The following CCDC50 variants were observed in gnomAD, a reference collection of about 807,000 sequenced individuals.
CCDC50 encodes coiled-coil domain-containing protein 50.
Under a neutral mutation model 70.2 loss-of-function variants are expected in CCDC50, and 54 were observed. The observed-to-expected ratio is 0.77, with a 90% CI of 0.62 to 0.96. The LOEUF (loss-of-function observed/expected upper bound fraction) is 0.96, where lower values mean the gene tolerates loss of function less well. Among genes scored for constraint, CCDC50 ranks in the 50% least tolerant of loss-of-function variants. CCDC50 has a pLI of 0.00. For synonymous variants in CCDC50, 216 were observed against 198.8 expected, an observed-to-expected ratio of 1.09 and a Z score of -0.73; for missense variants, 558 against 578.7, an observed-to-expected ratio of 0.96 and a Z score of 0.37.
At chr3:191,333,853 A>G (rs1488401411) in intron 1 of CCDC50, among the ~76,000 whole-genome samples, 1 of 152,184 alleles carries the variant, frequency 6.6e-6, no homozygotes, top group East Asian at 1.9e-4. Context: ...CATTAAATTT[A>G]TAAAAACTTC....
chr3:191,394,127 C>G lies in CCDC50; in HGVS notation c.*2367C>G, dbSNP rs1024955807. The G allele has an allele frequency of 5.3e-5, 8 of 152,034 alleles. No homozygotes were observed. Among genetic ancestry groups the G allele is most frequent in the Non-Finnish European group, 1.2e-4 (8 of 67,978 alleles). The allele number at this position is 152,034 out of a possible 1,614,324, so 9.4% of individuals were successfully genotyped here. A position where few individuals can be genotyped will look rare whatever the true frequency, so the allele number is the denominator to read the frequency against. The stretch of plus-strand genomic sequence containing the variant: ...TGTTTCAGCTGTTTTAGTAAGTGAC[C>G]AAGTAAGCTATCACCTTGTGATAGC... On this transcript the variant is annotated 3_prime_UTR_variant, in exon 12 of 12. Transcript: ENST00000392455.
chr3:191,363,051 T>C (rs900872280), intron 4 of CCDC50, among the ~76,000 whole-genome samples: 2 of 145,580 alleles, frequency 1.4e-5, no homozygotes, highest in African/African-American at 5.2e-5. Flanking sequence ...TGGCTTCTTA[T>C]AAATGCTACT....
intron 1 of CCDC50, chr3:191,330,324 C>CACAA (rs1553837061): frequency 8.0e-6 from 1 of 124,782 alleles, no homozygotes; most frequent in African/African-American, 3.0e-5. Context: ...CACACACACA[C>CACAA]ACACAATAGT....
chr3:191,380,235 T>C lies in CCDC50; in HGVS notation c.1053T>C (p.Asp351=). ...CCCACAGGGATCAGGAATGGTATGA[T>C]GCTGAAATTGCCAGAAAACTGCAAG... ...RMAHRDQEWY[D]AEIARKLQEE... The change falls in exon 7 of 12, where the codon GAT becomes GAC. Residue 351 remains aspartate (D), a synonymous_variant. Transcript: ENST00000392455. The C allele has an allele frequency of 6.2e-7, 1 of 1,612,912 alleles. No homozygotes were observed. The highest frequency in any genetic ancestry group is 8.5e-7 in the Non-Finnish European group (1 of 1,179,308).
chr3:191,354,461 C>T (rs1280921068), intron 1 of CCDC50, among the ~76,000 whole-genome samples: 7 of 152,306 alleles, frequency 4.6e-5, no homozygotes, highest in African/African-American at 1.7e-4. Context: ...TAGTTCTTCA[C>T]ATGATTCTCC....
At position 191,375,263 on chromosome 3, in the gene CCDC50, A is replaced by T; in HGVS notation, c.650A>T (p.His217Leu). The change falls in exon 6 of 12, where the codon CAT becomes CTT. Residue 217 changes from histidine to leucine, a missense_variant. Transcript: ENST00000392455. ...SSSGKGRDNP[H>L]INNEQHERKR... ...TCGGGCAAAGGGAGGGACAATCCCC[A>T]TATTAACAATGAGCAGCATGAAAGG... 1 of 1,613,752 alleles carries T rather than the reference A, an allele frequency of 6.2e-7. No individual in the cohort carries two copies. Among genetic ancestry groups the T allele is most frequent in the Non-Finnish European group, 8.5e-7 (1 of 1,179,850 alleles).
intron 11 of CCDC50, among the ~76,000 whole-genome samples, chr3:191,390,767 G>C (rs1035454463): frequency 6.6e-6 from 1 of 152,194 alleles, no homozygotes; most frequent in East Asian, 1.9e-4. Flanking sequence ...TTCATGACCT[G>C]TGTGTTGTGC....
In CCDC50 at chr3:191,375,563, A is replaced by C; in HGVS notation, c.950A>C (p.Glu317Ala). ...RPRTPPFSESEEQLHLHDAGM... is the reference protein window; with the variant it reads ...RPRTPPFSESAEQLHLHDAGM... ...AGGACTCCTCCATTCTCAGAGAGTG[A>C]GGAGCAGCTCCACCTCCATGACGCA... Residue 317 changes from glutamate (E) to alanine (A), a missense_variant, in exon 6 of 12, where the codon GAG (glutamate) becomes GCG (alanine). Physicochemically the swap from Glu to Ala is moderately radical, Grantham distance 107. Transcript: ENST00000392455. 1 of 1,613,336 alleles carries C rather than the reference A, an allele frequency of 6.2e-7. No homozygotes were observed. The highest frequency in any genetic ancestry group is 8.5e-7 in the Non-Finnish European group (1 of 1,179,678).
At chr3:191,334,387 A>G (rs1262260569) in intron 1 of CCDC50, among the ~76,000 whole-genome samples, 3 of 152,196 alleles carry the variant, frequency 2.0e-5, no homozygotes. Flanking sequence ...AATTTGTAAA[A>G]TATATATTTT....
intron 6 of CCDC50, among the ~76,000 whole-genome samples, chr3:191,376,782 A>C (rs758071231): frequency 1.3e-5 from 2 of 152,128 alleles, no homozygotes; most frequent in African/African-American, 2.4e-5. Flanking sequence ...AAAATAGAGG[A>C]AAGTGTGATA....
chr3:191,376,898 A>G (rs1020930312), intron 6 of CCDC50, among the ~76,000 whole-genome samples: 3 of 152,048 alleles, frequency 2.0e-5, no homozygotes, highest in African/African-American at 7.2e-5. Context: ...ATGTACACTG[A>G]CCTCTACGTT....
intron 6 of CCDC50, among the ~76,000 whole-genome samples, chr3:191,379,009 G>T (rs1385159396): frequency 6.6e-6 from 1 of 152,066 alleles, no homozygotes; most frequent in South Asian, 2.1e-4. Context: ...CTCATCATTT[G>T]CCCAGTGTTT....
rs1353544296 is a variant in CCDC50, at chr3:191,393,247, A to G, written c.*1487A>G. The G allele has an allele frequency of 6.6e-6, 1 of 151,982 alleles. No individual in the cohort carries two copies. Among genetic ancestry groups the G allele is most frequent in the Non-Finnish European group, 1.5e-5 (1 of 68,004 alleles). 9.4% of individuals were successfully genotyped at this position (151,982 alleles called of 1,614,324 possible). On this transcript the variant is annotated 3_prime_UTR_variant, in exon 12 of 12. Transcript: ENST00000392455. ...TTCTCCCTCTCTCTGTCTCCCCCCCATGTACACATATATATATCCCTTCAG... is the reference window on the plus strand; with the variant it reads ...TTCTCCCTCTCTCTGTCTCCCCCCCGTGTACACATATATATATCCCTTCAG...
rs879849457 is a variant in CCDC50, at chr3:191,397,181, A to T, written c.*5421A>T. 7.2e-5 allele frequency: 11 copies of T among 152,212 alleles called. No homozygotes were observed. Among genetic ancestry groups the T allele is most frequent in the Non-Finnish European group, 1.0e-4 (7 of 68,030 alleles). The allele number at this position is 152,212 out of a possible 1,614,324, so 9.4% of individuals were successfully genotyped here. A position where few individuals can be genotyped will look rare whatever the true frequency, so the allele number is the denominator to read the frequency against. ...AAGGAGTAAGAACAAGTAAGGGAAG[A>T]CAGCTAAGAGAACATACTATGACAT... On this transcript the variant is annotated 3_prime_UTR_variant, in exon 12 of 12. Coordinates refer to ENST00000392455, the MANE Select transcript of CCDC50 (RefSeq NM_178335.3).
At chr3:191,380,344 G>C in intron 7 of CCDC50, 70 bp downstream of exon 7, 1 of 934,528 alleles carries the variant, frequency 1.1e-6, no homozygotes, top group Non-Finnish European at 1.7e-6. Flanking sequence ...AGTCCATCTT[G>C]AAATTATATT....
chr3:191,344,031 T>A (rs1711823901), intron 1 of CCDC50, among the ~76,000 whole-genome samples: 1 of 152,140 alleles, frequency 6.6e-6, no homozygotes, highest in Admixed American at 6.5e-5. Flanking sequence ...ATAGGAGAAA[T>A]GTAAATATGC....
rs1309211204 is a variant in CCDC50, at chr3:191,351,028, C to G, written c.50-6060C>G. 2.1e-5 allele frequency among the ~76,000 whole-genome samples: 3 copies of G among 140,580 alleles called. 1 individual carries two copies. The highest frequency in any genetic ancestry group is 4.8e-5 in the Non-Finnish European group (3 of 62,502). 92.2% of individuals were successfully genotyped at this position (140,580 alleles called of 152,430 possible). On this transcript the variant is annotated intron_variant, in intron 1 of 11. Transcript: ENST00000392455. ...ATGTGGCAGGGGTTGGGAGGGGGCA[C>G]TTCTCTTTGTCCCTGAGAAAAAGAT...
intron 1 of CCDC50, among the ~76,000 whole-genome samples, chr3:191,339,233 T>C (rs907858507): frequency 5.9e-5 from 9 of 152,216 alleles, no homozygotes; most frequent in African/African-American, 1.7e-4. Flanking sequence ...GGGGATGATA[T>C]GTTCAATTTG....
At chr3:191,359,208 G>A (rs73185212) in intron 3 of CCDC50, among the ~76,000 whole-genome samples, 14,214 of 152,146 alleles carry the variant, frequency 0.093, 775 homozygotes, top group East Asian at 0.21. Context: ...TTCACAAGAC[G>A]ATGTGTTTAA....
Sources: gnomAD v4.1 joint callset for allele counts (sites outside exome capture counted in the v4.1 genomes callset) on GRCh38, gnomAD v4.1.1 for gene constraint, MANE v1.5 for transcripts, NCBI Gene and HGNC (gene_info 2026-07-23, HGNC 2026-07-21) for gene names.